The following TMEM132B variants were observed in gnomAD, a reference collection of about 807,000 sequenced individuals.
TMEM132B encodes transmembrane protein 132B.
In TMEM132B, 18 loss-of-function variants were observed where a neutral mutation model predicts 90.8. The ratio of observed to expected loss-of-function variants is 0.20; its 90% CI spans 0.14 to 0.29. The LOEUF is 0.29. Ranked by LOEUF, TMEM132B falls within the 10% of genes least tolerant of loss-of-function variation. The pLI, the probability that TMEM132B is intolerant of heterozygous loss-of-function variation, is 1.00. For synonymous variants in TMEM132B, 504 were observed against 523.3 expected (o/e 0.96, Z 0.50); for missense variants, 1,096 against 1,326.8 (o/e 0.83, Z 2.70).
intron 3 of TMEM132B, among the ~76,000 whole-genome samples, chr12:125,510,189 G>A (rs1382606669): frequency 3.3e-5 from 5 of 152,196 alleles, no homozygotes; most frequent in Non-Finnish European, 7.3e-5. Flanking sequence ...TAAGCTGGAA[G>A]TAAGGGTGAG....
chr12:125,283,828 C>T (rs1031815296), intron 1 of TMEM132B, among the ~76,000 whole-genome samples: 2 of 152,220 alleles, frequency 1.3e-5, no homozygotes, highest in Non-Finnish European at 2.9e-5. Flanking sequence ...CTAGGAGTTT[C>T]AGTAGTGTTT....
intron 3 of TMEM132B, among the ~76,000 whole-genome samples, chr12:125,501,543 C>T (rs548783952): frequency 9.9e-5 from 15 of 152,152 alleles, no homozygotes; most frequent in Non-Finnish European, 1.6e-4. Flanking sequence ...ACCCCACCCC[C>T]GACAGGCCCC....
At chr12:125,337,996 G>C (rs536636485) in intron 1 of TMEM132B, among the ~76,000 whole-genome samples, 6 of 152,098 alleles carry the variant, frequency 3.9e-5, no homozygotes, top group Admixed American at 6.5e-5. Context: ...AGACAGCAGC[G>C]CTCTCTCTAT....
At chr12:125,562,348 G>C (rs1200143712) in intron 4 of TMEM132B, among the ~76,000 whole-genome samples, 1 of 152,154 alleles carries the variant, frequency 6.6e-6, no homozygotes, top group Non-Finnish European at 1.5e-5. Flanking sequence ...AGAGAATATG[G>C]GGATTAAGGA....
At chr12:125,456,607 G>T (rs1881298965) in intron 3 of TMEM132B, among the ~76,000 whole-genome samples, 2 of 152,138 alleles carry the variant, frequency 1.3e-5, no homozygotes, top group African/African-American at 4.8e-5. Context: ...CTTTAAATCT[G>T]CCTCGTTACT....
chr12:125,368,135 C>T (rs1412691513), intron 2 of TMEM132B, among the ~76,000 whole-genome samples: 1 of 152,116 alleles, frequency 6.6e-6, no homozygotes, highest in Non-Finnish European at 1.5e-5. Flanking sequence ...TTCTCCACAT[C>T]TTTGTGCTAT....
At chr12:125,615,563 A>G (rs975791141) in intron 5 of TMEM132B, among the ~76,000 whole-genome samples, 6 of 152,022 alleles carry the variant, frequency 3.9e-5, no homozygotes, top group African/African-American at 1.4e-4. Flanking sequence ...TTCATTTGGT[A>G]TTTTTTAAAA....
At chr12:125,507,927 C>T (rs11834575) in intron 3 of TMEM132B, among the ~76,000 whole-genome samples, 1,733 of 152,142 alleles carry the variant, frequency 0.011, 11 homozygotes, top group Middle Eastern at 0.034. Flanking sequence ...TTATTGCAGT[C>T]GCCCCGGCAA....
intron 2 of TMEM132B, among the ~76,000 whole-genome samples, chr12:125,350,910 T>G (rs1011169309): frequency 2.0e-5 from 3 of 152,234 alleles, no homozygotes; most frequent in African/African-American, 7.2e-5. Flanking sequence ...CTGGCCATGC[T>G]GAGCTTTCTT....
intron 3 of TMEM132B, among the ~76,000 whole-genome samples, chr12:125,444,615 A>G (rs1401659282): frequency 6.6e-6 from 1 of 152,204 alleles, no homozygotes; most frequent in Non-Finnish European, 1.5e-5. Context: ...GATTTATTAC[A>G]TGCTCTGGAA....
intron 5 of TMEM132B, among the ~76,000 whole-genome samples, chr12:125,603,889 C>A (rs1370469441): frequency 6.6e-6 from 1 of 152,168 alleles, no homozygotes; most frequent in Non-Finnish European, 1.5e-5. Context: ...ATCAAAACCA[C>A]AATGAGATAC....
chr12:125,558,358 G>C (rs1385515969), intron 4 of TMEM132B, among the ~76,000 whole-genome samples: 1 of 152,188 alleles, frequency 6.6e-6, no homozygotes, highest in Admixed American at 6.5e-5. Flanking sequence ...GTAAAGTTGT[G>C]AAAGTTTGAC....
chr12:125,550,926 C>T (rs965915279), intron 4 of TMEM132B, among the ~76,000 whole-genome samples: 4 of 152,196 alleles, frequency 2.6e-5, no homozygotes, highest in Admixed American at 6.5e-5. Context: ...GATTCTCCCC[C>T]CTCAGCCTCC....
intron 1 of TMEM132B, among the ~76,000 whole-genome samples, chr12:125,342,896 G>A (rs186587199): frequency 6.6e-6 from 1 of 152,290 alleles, no homozygotes; most frequent in African/African-American, 2.4e-5. Flanking sequence ...TTATGTAGTT[G>A]AGAAAAGTGG....
At chr12:125,393,081 C>T (rs142785758) in intron 2 of TMEM132B, among the ~76,000 whole-genome samples, 12 of 152,340 alleles carry the variant, frequency 7.9e-5, no homozygotes, top group African/African-American at 2.6e-4. Context: ...GGCATAAGCA[C>T]CTTCCTTCCA....
chr12:125,500,133 G>C (rs980263115), intron 3 of TMEM132B, among the ~76,000 whole-genome samples: 1 of 152,210 alleles, frequency 6.6e-6, no homozygotes, highest in African/African-American at 2.4e-5. Context: ...CAACCTGCCA[G>C]TCCACCTGGG....
intron 1 of TMEM132B, among the ~76,000 whole-genome samples, chr12:125,307,910 G>A: frequency 9.5e-6 from 1 of 105,036 alleles, no homozygotes; most frequent in African/African-American, 3.4e-5. Context: ...TATATATTAA[G>A]TATATATACT....
rs1314685554 is a variant in TMEM132B, at chr12:125,661,903, C to T, written c.*7193C>T. Reference sequence around the variant, plus strand: ...GGCAAATAATTTTTACAATACTGCTCATGTTTAATGTGTGTCTACAGGGCA... The same window carrying T: ...GGCAAATAATTTTTACAATACTGCTTATGTTTAATGTGTGTCTACAGGGCA... On this transcript the variant is annotated 3_prime_UTR_variant, in exon 9 of 9. Transcript: ENST00000682704. 1.3e-5 allele frequency: 2 copies of T among 152,178 alleles called. No homozygotes were observed. The highest frequency in any genetic ancestry group is 2.4e-5 in the African/African-American group (1 of 41,428). The allele number at this position is 152,178 out of a possible 1,614,324, so 9.4% of individuals were successfully genotyped here.
At chr12:125,316,153 ATTCT>A (rs1876265777) in intron 1 of TMEM132B, among the ~76,000 whole-genome samples, 1 of 152,196 alleles carries the variant, frequency 6.6e-6, no homozygotes, top group Non-Finnish European at 1.5e-5. Flanking sequence ...GTGTTGGAAC[ATTCT>A]TTCTACACAG....
Sources: allele counts gnomAD v4.1 joint callset (sites outside exome capture counted in the v4.1 genomes callset), GRCh38; gene constraint gnomAD v4.1.1; transcripts MANE v1.5; gene names NCBI Gene and HGNC (gene_info 2026-07-23, HGNC 2026-07-21).